Variants in CHD1L observed in about 807,000 individuals in gnomAD.
CHD1L encodes the protein ATP-dependent chromatin remodeler CHD1L.
Under a neutral mutation model 115.9 loss-of-function variants are expected in CHD1L, and 118 were observed. That is an observed-to-expected ratio of 1.02 (90% CI 0.88 to 1.19). The LOEUF (loss-of-function observed/expected upper bound fraction) is 1.19, where lower values mean the gene tolerates loss of function less well. Among genes scored for constraint, CHD1L ranks in the 50% most tolerant of loss-of-function variants. The pLI, the probability that CHD1L is intolerant of heterozygous loss-of-function variation, is 0.00. For missense variants in CHD1L, 1,179 were observed against 1,065.3 expected, an observed-to-expected ratio of 1.11 and a Z score of -1.49; for synonymous variants, 411 against 387.1, an observed-to-expected ratio of 1.06 and a Z score of -0.72.
rs148362148 is a variant in CHD1L at position 147,286,352 on chromosome 1, G to C, written c.2073G>C (p.Glu691Asp). 463 of 1,614,046 alleles carry C rather than the reference G, an allele frequency of 2.9e-4. No individual in the cohort carries two copies. The highest frequency in any genetic ancestry group is 3.6e-4 in the Non-Finnish European group (428 of 1,180,036). Residue 691 changes from glutamate to aspartate, a missense_variant, in exon 18 of 23, where the codon GAG becomes GAC. Transcript: ENST00000369258. ...AGTCCTTCTGCCTGCCCTCTGAGGA[G>C]AGCGAGCCAGAGGACCTTGAGAATG... is the stretch of plus-strand genomic sequence containing the variant. Reference protein sequence around the residue: ...NYQSFCLPSEESEPEDLENGE... With the variant: ...NYQSFCLPSEDSEPEDLENGE...
At chr1:147,231,772 C>T in the CHD1L span, among the ~76,000 whole-genome samples, 2 of 152,094 alleles carry the variant, frequency 1.3e-5, no homozygotes, top group South Asian at 2.1e-4. Flanking sequence ...TCGCTAAGAC[C>T]ATTGGAAAAG....
the CHD1L span, among the ~76,000 whole-genome samples, chr1:147,234,822 T>C: frequency 6.6e-6 from 1 of 152,188 alleles, no homozygotes; most frequent in Admixed American, 6.5e-5. Context: ...CCTTATTTCA[T>C]TTGTATAGTT....
chr1:147,280,335 TG>T (rs2102825665), intron 15 of CHD1L, 144 bp downstream of exon 15: 2 of 818,068 alleles, frequency 2.4e-6, no homozygotes, highest in Admixed American at 7.0e-5. Context: ...GTTTAAGACT[TG>T]CTTGATAAAA....
rs782077111 is a variant in CHD1L, at chr1:147,293,691, G to A, written c.2475G>A (p.Lys825=). ...IKMAALEEGL[K]KIFLAAKKKK... Reference sequence around the variant, plus strand: ...TGGCAGCCCTAGAAGAGGGCCTGAAGAAGATATTTTTAGCAGCAAAAAAGA... The same window carrying A: ...TGGCAGCCCTAGAAGAGGGCCTGAAAAAGATATTTTTAGCAGCAAAAAAGA... Residue 825 remains lysine, a synonymous_variant, in exon 21 of 23, where the codon AAG becomes AAA. Coordinates refer to ENST00000369258, the MANE Select transcript of CHD1L (RefSeq NM_004284.6). The A allele has an allele frequency of 1.2e-6, 2 of 1,614,066 alleles. No individual in the cohort carries two copies. The highest frequency in any genetic ancestry group is 8.5e-7 in the Non-Finnish European group (1 of 1,179,946).
At chr1:147,209,236 A>G in the CHD1L span, among the ~76,000 whole-genome samples, 310 of 152,136 alleles carry the variant, frequency 2.0e-3, 1 homozygote, top group African/African-American at 6.0e-3. Flanking sequence ...TGGCTAACAC[A>G]GTGAAACCCC....
intron 19 of CHD1L, among the ~76,000 whole-genome samples, chr1:147,288,545 G>T (rs1386547586): frequency 6.6e-6 from 1 of 151,946 alleles, no homozygotes; most frequent in African/African-American, 2.4e-5. Flanking sequence ...GCCAGGCATG[G>T]TGGCACATGC....
rs587765720 is a variant in CHD1L at position 147,280,179 on chromosome 1, C to G, written c.1693C>G (p.Gln565Glu). Residue 565 changes from glutamine (Q) to glutamate (E), a missense_variant, in exon 15 of 23, where the codon CAA becomes GAA. By Grantham distance (29) the Gln-to-Glu change is conservative (BLOSUM62 2). Coordinates refer to ENST00000369258, the MANE Select transcript of CHD1L (RefSeq NM_004284.6). ...TGCAGCAGAAGGAGGGAGCAGAGAT[C>G]AAGAGGAAGGAAGTAAGTTGGAGGT... ...LPAAEGGSRD[Q>E]EEGKNHMYLF... 1.3e-6 allele frequency: 2 copies of G among 1,597,530 alleles called. No homozygotes were observed. Among genetic ancestry groups the G allele is most frequent in the African/African-American group, 2.7e-5 (2 of 74,268 alleles).
chr1:147,292,057 T>A (rs587712489), intron 20 of CHD1L, among the ~76,000 whole-genome samples: 20 of 152,268 alleles, frequency 1.3e-4, no homozygotes, highest in African/African-American at 4.8e-4. Context: ...ACTTCCCCTG[T>A]CCCCAGGCTT....
At chr1:147,241,603 G>A (rs1200516302), upstream of CHD1L, among the ~76,000 whole-genome samples, 1 of 152,198 alleles carries the variant, frequency 6.6e-6, no homozygotes, top group African/African-American at 2.4e-5. Flanking sequence ...ATGAAAGTCA[G>A]TATTTATGAA....
At chr1:147,189,613 G>A in the CHD1L span, among the ~76,000 whole-genome samples, 5,619 of 152,214 alleles carry the variant, frequency 0.037, 157 homozygotes, top group South Asian at 0.095. Context: ...TTGAGCTTAA[G>A]TTCTGAAATT....
chr1:147,242,793 G>T lies in CHD1L; in HGVS notation c.90G>T (p.Arg30=). The change falls in exon 1 of 23, where the codon CGG becomes CGT. Residue 30 remains arginine, a synonymous_variant. Coordinates refer to ENST00000369258, the MANE Select transcript of CHD1L (RefSeq NM_004284.6). ...CTGAGGGCCGAGCCGAGGCGGCGCGGGTGCAGGAGCAGGACTTACGGCAGT... is the reference window on the plus strand; with the variant it reads ...CTGAGGGCCGAGCCGAGGCGGCGCGTGTGCAGGAGCAGGACTTACGGCAGT... ...LHTEGRAEAA[R]VQEQDLRQWG... 1 of 1,274,688 alleles carries T rather than the reference G, an allele frequency of 7.8e-7. No individual in the cohort carries two copies. The highest frequency in any genetic ancestry group is 3.0e-5 in the East Asian group (1 of 33,816). The allele number at this position is 1,274,688 out of a possible 1,614,324, so 79.0% of individuals were successfully genotyped here.
rs587680332 is a variant in CHD1L at position 147,274,746 on chromosome 1, C to T, written c.1271-608C>T. On this transcript the variant is annotated intron_variant, in intron 12 of 22. Coordinates refer to ENST00000369258, the MANE Select transcript of CHD1L (RefSeq NM_004284.6). ...GAGTAAATGACAAGAGTGTTCTTGTCTTGCCGTTGGTTTTGTTACTTTCTT... is the reference window on the plus strand; with the variant it reads ...GAGTAAATGACAAGAGTGTTCTTGTTTTGCCGTTGGTTTTGTTACTTTCTT... Among the ~76,000 whole-genome samples, 459 of 152,212 alleles carry T rather than the reference C, an allele frequency of 3.0e-3. 1 individual carries two copies. The highest frequency in any genetic ancestry group is 5.0e-3 in the Non-Finnish European group (342 of 68,008).
the CHD1L span, among the ~76,000 whole-genome samples, chr1:147,206,637 A>G: frequency 6.6e-6 from 1 of 152,158 alleles, no homozygotes; most frequent in South Asian, 2.1e-4. Flanking sequence ...GCTAGAAACC[A>G]TCATTCTCAG....
the CHD1L span, among the ~76,000 whole-genome samples, chr1:147,197,163 G>A: frequency 6.6e-6 from 1 of 152,116 alleles, no homozygotes; most frequent in Non-Finnish European, 1.5e-5. Flanking sequence ...ACTACTTGCA[G>A]TTCCCAGAAC....
intron 14 of CHD1L, among the ~76,000 whole-genome samples, chr1:147,278,225 T>TTTG (rs1679320308): frequency 7.7e-6 from 1 of 130,358 alleles, no homozygotes; most frequent in Non-Finnish European, 1.6e-5. Context: ...TTTTTGGGTT[T>TTTG]TTTTTTTTTT....
chr1:147,293,062 G>T (rs1293797972), intron 20 of CHD1L, among the ~76,000 whole-genome samples: 1 of 152,220 alleles, frequency 6.6e-6, no homozygotes, highest in Non-Finnish European at 1.5e-5. Context: ...TGTTTACAGG[G>T]AGTAGAGCAC....
At chr1:147,191,044 T>C in the CHD1L span, among the ~76,000 whole-genome samples, 1 of 152,184 alleles carries the variant, frequency 6.6e-6, no homozygotes, top group African/African-American at 2.4e-5. Flanking sequence ...TAATATTCCA[T>C]GGTGTATATG....
intron 10 of CHD1L, 82 bp downstream of exon 10, chr1:147,268,960 G>C: frequency 1.0e-6 from 1 of 1,004,412 alleles, no homozygotes. Flanking sequence ...AGTTGTTCAG[G>C]CCAATTCCAG....
the CHD1L span, among the ~76,000 whole-genome samples, chr1:147,185,431 A>G: frequency 1.7e-3 from 255 of 152,304 alleles, 10 homozygotes; most frequent in East Asian, 0.045. Flanking sequence ...ATTTTAATAG[A>G]TGATAAATCT....
Sources: gnomAD v4.1 joint callset for allele counts (sites outside exome capture counted in the v4.1 genomes callset) on GRCh38, gnomAD v4.1.1 for gene constraint, MANE v1.5 for transcripts, NCBI Gene and HGNC (gene_info 2026-07-23, HGNC 2026-07-21) for gene names.